HSD17B4: variants seen among roughly 807,000 people sequenced by gnomAD.
HSD17B4 encodes the protein peroxisomal multifunctional enzyme type 2.
HSD17B4 carries 70 observed loss-of-function variants against 101.0 expected under a neutral mutation model. That is an observed-to-expected ratio of 0.69 (90% CI 0.57 to 0.85). HSD17B4 has a LOEUF of 0.85. Ranked by LOEUF, HSD17B4 falls within the 40% of genes least tolerant of loss-of-function variation. The probability of loss-of-function intolerance (pLI) is 0.00; values close to 1 mark genes in which losing one functional copy is unlikely to be tolerated. For missense variants in HSD17B4, 984 were observed against 892.4 expected, an observed-to-expected ratio of 1.10 and a Z score of -1.31; for synonymous variants, 347 against 297.1, an observed-to-expected ratio of 1.17 and a Z score of -1.73.
intron 11 of HSD17B4, among the ~76,000 whole-genome samples, chr5:119,495,160 G>T: frequency 6.6e-6 from 1 of 151,144 alleles, no homozygotes; most frequent in African/African-American, 2.4e-5. Flanking sequence ...TAACATTTTT[G>T]TATTTTATAT....
rs557219951 is a variant in HSD17B4 at position 119,498,972 on chromosome 5, A to G, written c.973-345A>G. ...CTGTTTACAGTGAACTTTATACATT[A>G]GATCTTACAAGCAATTTACTATCCT... is the stretch of plus-strand genomic sequence containing the variant. On this transcript the variant is annotated intron_variant, in intron 12 of 23. Coordinates refer to ENST00000510025, the MANE Select transcript of HSD17B4 (RefSeq NM_000414.4). 2.0e-5 allele frequency among the ~76,000 whole-genome samples: 3 copies of G among 152,324 alleles called. No homozygotes were observed. In the East Asian group the frequency reaches 5.8e-4, roughly 29 times the overall value.
intron 13 of HSD17B4, 24 bp from the exon 14 acceptor site, chr5:119,502,016 TA>T: frequency 6.6e-7 from 1 of 1,507,822 alleles, no homozygotes; most frequent in Non-Finnish European, 9.2e-7. Context: ...AGTTTGCTAA[TA>T]AAATTTTGTT....
chr5:119,528,330 C>A (rs1056847776), intron 20 of HSD17B4, among the ~76,000 whole-genome samples: 4 of 152,114 alleles, frequency 2.6e-5, no homozygotes, highest in Non-Finnish European at 5.9e-5. Context: ...CAAAATTCTT[C>A]TTACATGGTT....
chr5:119,493,067 G>T (rs992700689), intron 10 of HSD17B4: 2 of 152,144 alleles, frequency 1.3e-5, no homozygotes, highest in Admixed American at 6.6e-5. Flanking sequence ...ATAAGGTTTT[G>T]CAGTAAAAGC....
intron 2 of HSD17B4, among the ~76,000 whole-genome samples, chr5:119,461,229 G>C (rs185113265): frequency 2.0e-5 from 3 of 152,040 alleles, no homozygotes; most frequent in African/African-American, 4.8e-5. Context: ...AAAGAATTAA[G>C]ATCTTTTATA....
chr5:119,482,141 G>A (rs1234402963), intron 8 of HSD17B4, among the ~76,000 whole-genome samples: 3 of 151,926 alleles, frequency 2.0e-5, no homozygotes, highest in African/African-American at 4.8e-5. Context: ...TTGTATGCAT[G>A]TTACATCTTC....
intron 15 of HSD17B4, among the ~76,000 whole-genome samples, chr5:119,508,434 A>G (rs72788186): frequency 6.6e-6 from 1 of 152,136 alleles, no homozygotes. Flanking sequence ...ATTTTTGTTT[A>G]TAATTAGATT....
At chr5:119,480,541 A>G (rs1021187263) in intron 8 of HSD17B4, among the ~76,000 whole-genome samples, 1 of 152,160 alleles carries the variant, frequency 6.6e-6, no homozygotes, top group Non-Finnish European at 1.5e-5. Context: ...TAACAGGGTA[A>G]TAGAATATCA....
chr5:119,512,564 A>G (rs1034332059), intron 16 of HSD17B4, among the ~76,000 whole-genome samples: 6 of 142,250 alleles, frequency 4.2e-5, no homozygotes, highest in Non-Finnish European at 6.3e-5. Context: ...TGCTGAAAGG[A>G]AAAAAAAAAA....
intron 16 of HSD17B4, chr5:119,509,544 A>G: frequency 2.2e-6 from 1 of 456,920 alleles, no homozygotes; most frequent in South Asian, 2.1e-5. Context: ...TATTTTTCCT[A>G]GTTTCTTCTT....
intron 17 of HSD17B4, among the ~76,000 whole-genome samples, chr5:119,524,011 A>C (rs895249089): frequency 6.6e-6 from 1 of 152,122 alleles, no homozygotes; most frequent in African/African-American, 2.4e-5. Flanking sequence ...TTTCATTTGT[A>C]TACATCATGA....
At chr5:119,467,210 C>G (rs1376132498) in intron 2 of HSD17B4, among the ~76,000 whole-genome samples, 4 of 152,186 alleles carry the variant, frequency 2.6e-5, no homozygotes, top group Admixed American at 1.3e-4. Flanking sequence ...GGAGAATGTT[C>G]CATGTGCTGA....
rs201229203 is a variant in HSD17B4 at position 119,499,268 on chromosome 5, T to C, written c.973-49T>C. ...AACTAGGTATGTAAGAAGTTAATAGTTTTGAAAAGTTATCAATGAAATAAA... is the reference window on the plus strand; with the variant it reads ...AACTAGGTATGTAAGAAGTTAATAGCTTTGAAAAGTTATCAATGAAATAAA... On this transcript the variant is annotated intron_variant, in intron 12 of 23. Coordinates refer to ENST00000510025, the MANE Select transcript of HSD17B4 (RefSeq NM_000414.4). The C allele has an allele frequency of 4.6e-6, 6 of 1,309,292 alleles. No individual in the cohort carries two copies. The East Asian group carries it at 1.2e-4, about 25-fold the overall frequency. 81.1% of individuals were successfully genotyped at this position (1,309,292 alleles called of 1,614,324 possible). A position where few individuals can be genotyped will look rare whatever the true frequency, so the allele number is the denominator to read the frequency against.
At chr5:119,463,097 A>T (rs531577590) in intron 2 of HSD17B4, among the ~76,000 whole-genome samples, 1 of 152,330 alleles carries the variant, frequency 6.6e-6, no homozygotes, top group African/African-American at 2.4e-5. Flanking sequence ...ATGAGTGAAA[A>T]CATGATGTAT....
At chr5:119,502,319 C>G (rs1751243930) in intron 14 of HSD17B4, among the ~76,000 whole-genome samples, 1 of 152,084 alleles carries the variant, frequency 6.6e-6, no homozygotes, top group South Asian at 2.1e-4. Context: ...TAATTTATCT[C>G]TGTTGATGTA....
intron 15 of HSD17B4, among the ~76,000 whole-genome samples, chr5:119,507,420 G>T (rs1751754631): frequency 6.6e-6 from 1 of 152,154 alleles, no homozygotes. Context: ...TGGGAAAAAA[G>T]ATTGTAGTAG....
chr5:119,476,515 C>G, intron 6 of HSD17B4: 2 of 943,200 alleles, frequency 2.1e-6, no homozygotes, highest in Non-Finnish European at 2.5e-6. Context: ...ACAATTGTAT[C>G]ATTGTTTATA....
At chr5:119,474,534 T>G in intron 4 of HSD17B4, 74 bp downstream of exon 4, 1 of 888,956 alleles carries the variant, frequency 1.1e-6, no homozygotes, top group South Asian at 1.3e-5. Flanking sequence ...AAGTTGACTT[T>G]CATTTACTAA....
intron 9 of HSD17B4, 49 bp downstream of exon 9, chr5:119,489,332 C>T: frequency 8.3e-7 from 1 of 1,204,264 alleles, no homozygotes; most frequent in Non-Finnish European, 1.2e-6. Flanking sequence ...CAGTTGCTTA[C>T]ATTTGTAAAA....
Sources: allele counts gnomAD v4.1 joint callset (sites outside exome capture counted in the v4.1 genomes callset), GRCh38; gene constraint gnomAD v4.1.1; transcripts MANE v1.5; gene names NCBI Gene and HGNC (gene_info 2026-07-23, HGNC 2026-07-21).